SRSF6: variants seen among roughly 807,000 people sequenced by gnomAD.
SRSF6 encodes the protein serine and arginine rich splicing factor 6, also known as serine/arginine-rich splicing factor 6.
Under a neutral mutation model 42.0 loss-of-function variants are expected in SRSF6, and 17 were observed. The observed-to-expected ratio is 0.40, with a 90% CI of 0.28 to 0.61. The LOEUF (loss-of-function observed/expected upper bound fraction) is 0.61. Among genes scored for constraint, SRSF6 ranks in the 20% least tolerant of loss-of-function variants. The pLI is 0.37. For missense variants in SRSF6, 379 were observed against 471.4 expected, an observed-to-expected ratio of 0.80 and a Z score of 1.81; for synonymous variants, 204 against 166.7, an observed-to-expected ratio of 1.22 and a Z score of -1.72.
Position 43,457,911 on chromosome 20 carries a change from T to C in SRSF6, c.-123T>C, listed in dbSNP as rs571104443. ...CGCGCGCGCCATTGTGTGGCTGGAC[T>C]CGGCCGCCCCTGTGGTGTGAGGCGC... is the stretch of plus-strand genomic sequence containing the variant. On this transcript the variant is annotated 5_prime_UTR_variant, in exon 1 of 6. Coordinates refer to ENST00000244020, the MANE Select transcript of SRSF6 (RefSeq NM_006275.6). 9.8e-4 allele frequency: 729 copies of C among 742,816 alleles called. No homozygotes were observed. Among genetic ancestry groups the C allele is most frequent in the Non-Finnish European group, 1.3e-3 (585 of 460,524 alleles). The allele number at this position is 742,816 out of a possible 1,614,324, so 46.0% of individuals were successfully genotyped here. A position where few individuals can be genotyped will look rare whatever the true frequency, so the allele number is the denominator to read the frequency against.
At position 43,462,978 on chromosome 20, in the gene SRSF6, C is replaced by T. The variant is rs1030691404; in HGVS notation, c.*1915C>T. ...GCTTTGACCAAAGTTCTCTTGTTTT[C>T]AGGGAAAGAACATAAAAGCTTTTTG... On this transcript the variant is annotated 3_prime_UTR_variant, in exon 6 of 6. Coordinates refer to ENST00000244020, the MANE Select transcript of SRSF6 (RefSeq NM_006275.6). The T allele has an allele frequency of 6.6e-6, 1 of 152,578 alleles. No individual in the cohort carries two copies. Among genetic ancestry groups the T allele is most frequent in the South Asian group, 2.1e-4 (1 of 4,826 alleles). 9.5% of individuals were successfully genotyped at this position (152,578 alleles called of 1,614,324 possible).
rs1471597281 is a variant in SRSF6, at chr20:43,461,876, G to T, written c.*813G>T. On this transcript the variant is annotated 3_prime_UTR_variant, in exon 6 of 6. Transcript: ENST00000244020. Reference sequence around the variant, plus strand: ...TTAAGAAATAGCTCCTAATACTTGGGATCTTGTTTAGAGAATCCACTTTCT... The same window carrying T: ...TTAAGAAATAGCTCCTAATACTTGGTATCTTGTTTAGAGAATCCACTTTCT... 6.6e-6 allele frequency: 1 copy of T among 152,190 alleles called. No homozygotes were observed. Among genetic ancestry groups the T allele is most frequent in the Non-Finnish European group, 1.5e-5 (1 of 68,030 alleles). 9.4% of individuals were successfully genotyped at this position (152,190 alleles called of 1,614,324 possible).
intron 2 of SRSF6, chr20:43,459,238 C>A: frequency 7.4e-7 from 1 of 1,352,128 alleles, no homozygotes; most frequent in Non-Finnish European, 9.8e-7. Context: ...CATTGTGTGA[C>A]CCTTGCCCTA....
At chr20:43,458,291 CG>C (rs2017531653) in intron 1 of SRSF6, 69 bp from the exon 2 acceptor site, 1 of 1,420,444 alleles carries the variant, frequency 7.0e-7, no homozygotes, top group Non-Finnish European at 9.2e-7. Context: ...CGGTGGGGTA[CG>C]GGCGCGCGCA....
Position 43,462,782 on chromosome 20 carries a change from A to G in SRSF6, c.*1719A>G, listed in dbSNP as rs2017624668. ...AGGAATATAGTGCCCCAAAAGGCGGATGCTTCTTCCATTATCTTATTTTCT... is the reference window on the plus strand; with the variant it reads ...AGGAATATAGTGCCCCAAAAGGCGGGTGCTTCTTCCATTATCTTATTTTCT... On this transcript the variant is annotated 3_prime_UTR_variant, in exon 6 of 6. Transcript: ENST00000244020. The G allele has an allele frequency of 6.6e-6, 1 of 152,324 alleles. No individual in the cohort carries two copies. The highest frequency in any genetic ancestry group is 2.4e-5 in the African/African-American group (1 of 41,466). The allele number at this position is 152,324 out of a possible 1,614,324, so 9.4% of individuals were successfully genotyped here. A position where few individuals can be genotyped will look rare whatever the true frequency, so the allele number is the denominator to read the frequency against.
rs1337227771 is a variant in SRSF6 at position 43,461,334 on chromosome 20, GTTGTTTTTTTTTTTTTTTTTTTT to G, written c.*274_*296del. 6 of 56,490 alleles carry G rather than the reference GTTGTTTTTTTTTTTTTTTTTTTT, an allele frequency of 1.1e-4. 1 individual carries two copies. The highest frequency in any genetic ancestry group is 1.5e-4 in the African/African-American group (2 of 13,546). 3.5% of individuals were successfully genotyped at this position (56,490 alleles called of 1,614,324 possible). On this transcript the variant is annotated 3_prime_UTR_variant, in exon 6 of 6. Transcript: ENST00000244020. ...TTTGTAAAGATTAAGCTCATTTAGT[GTTGTTTTTTTTTTTTTTTTTTTT>G]TTTTTTTTTTTTTTTTTAGTATTTC...
Position 43,463,145 on chromosome 20 carries a change from C to T in SRSF6, c.*2082C>T. On this transcript the variant is annotated 3_prime_UTR_variant, in exon 6 of 6. Coordinates refer to ENST00000244020, the MANE Select transcript of SRSF6 (RefSeq NM_006275.6). ...TAGACTGGTTTGACTATATTGTTAG[C>T]TGCCACAGTAAGCAGGTCATTGTAT... The T allele has an allele frequency of 6.5e-6, 1 of 153,914 alleles. No individual in the cohort carries two copies. Among genetic ancestry groups the T allele is most frequent in the Middle Eastern group, 8.2e-4 (1 of 1,214 alleles). 9.5% of individuals were successfully genotyped at this position (153,914 alleles called of 1,614,324 possible).
Position 43,458,056 on chromosome 20 carries a change from G to A in SRSF6, c.23G>A (p.Arg8His). 1.9e-6 allele frequency: 3 copies of A among 1,613,074 alleles called. No homozygotes were observed. Among genetic ancestry groups the A allele is most frequent in the Non-Finnish European group, 2.5e-6 (3 of 1,179,538 alleles). The change falls in exon 1 of 6, where the codon CGC becomes CAC. Residue 8 changes from arginine (R) to histidine (H), a missense_variant. Around this residue, in one of 3 missense-constraint regions of SRSF6, gnomAD observed 117 missense variants for 146.8 expected, o/e 0.80. Coordinates refer to ENST00000244020, the MANE Select transcript of SRSF6 (RefSeq NM_006275.6). ...GACATGCCGCGCGTCTACATAGGAC[G>A]CCTGAGCTACAACGTCCGGGAGAAG... MPRVYIG[R>H]LSYNVREKDI...
chr20:43,464,232 G>A lies in SRSF6; in HGVS notation c.*3169G>A, dbSNP rs750305492. 19 of 152,110 alleles carry A rather than the reference G, an allele frequency of 1.2e-4. No individual in the cohort carries two copies. The highest frequency in any genetic ancestry group is 2.6e-4 in the Non-Finnish European group (18 of 68,022). 9.4% of individuals were successfully genotyped at this position (152,110 alleles called of 1,614,324 possible). A position where few individuals can be genotyped will look rare whatever the true frequency, so the allele number is the denominator to read the frequency against. ...ATTCAACATTACACAATAAAACTTAGAGTTCTTGCAATAGAGCACCTAGTG... is the reference window on the plus strand; with the variant it reads ...ATTCAACATTACACAATAAAACTTAAAGTTCTTGCAATAGAGCACCTAGTG... On this transcript the variant is annotated 3_prime_UTR_variant, in exon 6 of 6. Transcript: ENST00000244020.
intron 2 of SRSF6, chr20:43,459,443 G>A: frequency 1.6e-6 from 2 of 1,252,996 alleles, no homozygotes; most frequent in Non-Finnish European, 2.0e-6. Context: ...TGTAAAACTA[G>A]TAAACATTTT....
At position 43,463,063 on chromosome 20, in the gene SRSF6, A is replaced by G. The variant is rs1007527975; in HGVS notation, c.*2000A>G. Reference sequence around the variant, plus strand: ...ATTACAGTAAGAAATTAGGCTTTCTAAAAGTATGAAACATCCTTCAACTGG... The same window carrying G: ...ATTACAGTAAGAAATTAGGCTTTCTGAAAGTATGAAACATCCTTCAACTGG... On this transcript the variant is annotated 3_prime_UTR_variant, in exon 6 of 6. Coordinates refer to ENST00000244020, the MANE Select transcript of SRSF6 (RefSeq NM_006275.6). 6.6e-6 allele frequency: 1 copy of G among 152,360 alleles called. No homozygotes were observed. Among genetic ancestry groups the G allele is most frequent in the South Asian group, 2.1e-4 (1 of 4,830 alleles). 9.4% of individuals were successfully genotyped at this position (152,360 alleles called of 1,614,324 possible). A position where few individuals can be genotyped will look rare whatever the true frequency, so the allele number is the denominator to read the frequency against.
Position 43,458,517 on chromosome 20 carries a change from C to G in SRSF6, c.256+8C>G, listed in dbSNP as rs1454416826. The G allele has an allele frequency of 2.0e-6, 3 of 1,487,910 alleles. No individual in the cohort carries two copies. Among genetic ancestry groups the G allele is most frequent in the Admixed American group, 2.3e-5 (1 of 42,664 alleles). 92.2% of individuals were successfully genotyped at this position (1,487,910 alleles called of 1,614,324 possible). The stretch of plus-strand genomic sequence containing the variant: ...ACAGCTACGGAAGCCGCAGTGAGTC[C>G]CACCCCCGCGCGCTCCGCGCCCTTG... On this transcript the variant is annotated splice_region_variant and intron_variant, in intron 2 of 5. Coordinates refer to ENST00000244020, the MANE Select transcript of SRSF6 (RefSeq NM_006275.6).
Position 43,458,529 on chromosome 20 carries a change from G to C in SRSF6, c.256+20G>C. On this transcript the variant is annotated intron_variant, in intron 2 of 5. Coordinates refer to ENST00000244020, the MANE Select transcript of SRSF6 (RefSeq NM_006275.6). ...GCCGCAGTGAGTCCCACCCCCGCGCGCTCCGCGCCCTTGGGGACCCTGGGG... is the reference window on the plus strand; with the variant it reads ...GCCGCAGTGAGTCCCACCCCCGCGCCCTCCGCGCCCTTGGGGACCCTGGGG... 1.4e-6 allele frequency: 2 copies of C among 1,476,814 alleles called. No individual in the cohort carries two copies. Among genetic ancestry groups the C allele is most frequent in the South Asian group, 1.3e-5 (1 of 78,114 alleles). The allele number at this position is 1,476,814 out of a possible 1,614,324, so 91.5% of individuals were successfully genotyped here. A position where few individuals can be genotyped will look rare whatever the true frequency, so the allele number is the denominator to read the frequency against.
intron 2 of SRSF6, chr20:43,459,308 C>CAG: frequency 7.4e-7 from 1 of 1,352,060 alleles, no homozygotes; most frequent in Non-Finnish European, 9.8e-7. Flanking sequence ...CCATTAGACG[C>CAG]AGGGTGATGG....
rs1046149785 is a variant in SRSF6 at position 43,462,226 on chromosome 20, T to A, written c.*1163T>A. 1 of 152,228 alleles carries A rather than the reference T, an allele frequency of 6.6e-6. No homozygotes were observed. Among genetic ancestry groups the A allele is most frequent in the Non-Finnish European group, 1.5e-5 (1 of 68,032 alleles). The allele number at this position is 152,228 out of a possible 1,614,324, so 9.4% of individuals were successfully genotyped here. A position where few individuals can be genotyped will look rare whatever the true frequency, so the allele number is the denominator to read the frequency against. On this transcript the variant is annotated 3_prime_UTR_variant, in exon 6 of 6. Transcript: ENST00000244020. Reference sequence around the variant, plus strand: ...GAAATGGGTAAACGCAAAACTTTTGTACTTTATTACGAGTAAAGTGTAATG... The same window carrying A: ...GAAATGGGTAAACGCAAAACTTTTGAACTTTATTACGAGTAAAGTGTAATG...
intron 2 of SRSF6, chr20:43,459,564 T>C (rs544851381): frequency 1.0e-4 from 130 of 1,267,890 alleles, no homozygotes; most frequent in Non-Finnish European, 1.3e-4. Context: ...CTCTAACAGA[T>C]TGTAGGAGAG....
Position 43,457,901 on chromosome 20 carries a change from G to C in SRSF6, c.-133G>C. On this transcript the variant is annotated 5_prime_UTR_variant, in exon 1 of 6. Coordinates refer to ENST00000244020, the MANE Select transcript of SRSF6 (RefSeq NM_006275.6). ...GCCTGGCGCGCGCGCGCGCCATTGT[G>C]TGGCTGGACTCGGCCGCCCCTGTGG... is the stretch of plus-strand genomic sequence containing the variant. 1 of 665,084 alleles carries C rather than the reference G, an allele frequency of 1.5e-6. No homozygotes were observed. The highest frequency in any genetic ancestry group is 3.0e-5 in the Admixed American group (1 of 33,452). The allele number at this position is 665,084 out of a possible 1,614,324, so 41.2% of individuals were successfully genotyped here.
In SRSF6 at chr20:43,461,780, G is replaced by A. The variant is rs2017605217; in HGVS notation, c.*717G>A. On this transcript the variant is annotated 3_prime_UTR_variant, in exon 6 of 6. Coordinates refer to ENST00000244020, the MANE Select transcript of SRSF6 (RefSeq NM_006275.6). ...AAATAAAAGGTATTTTTTAGTCAAT[G>A]TGTTCCATGATTTTGCTTAAATTAA... The A allele has an allele frequency of 1.3e-5, 2 of 152,540 alleles. No individual in the cohort carries two copies. Among genetic ancestry groups the A allele is most frequent in the African/African-American group, 4.8e-5 (2 of 41,432 alleles). The allele number at this position is 152,540 out of a possible 1,614,324, so 9.4% of individuals were successfully genotyped here.
Position 43,461,012 on chromosome 20 carries a change from T to C in SRSF6, c.984T>C (p.Ser328=). 2 of 1,608,134 alleles carry C rather than the reference T, an allele frequency of 1.2e-6. No individual in the cohort carries two copies. Among genetic ancestry groups the C allele is most frequent in the Non-Finnish European group, 1.7e-6 (2 of 1,177,708 alleles). The change falls in exon 6 of 6, where the codon TCT becomes TCC. Residue 328 remains serine (S), a synonymous_variant. Coordinates refer to ENST00000244020, the MANE Select transcript of SRSF6 (RefSeq NM_006275.6). ...PPKRATSRSR[S]RSRSKSRSRS... ...AAAGAGCTACTTCAAGATCCCGTTCTAGATCTCGCTCAAAGTCAAGATCAA... is the reference window on the plus strand; with the variant it reads ...AAAGAGCTACTTCAAGATCCCGTTCCAGATCTCGCTCAAAGTCAAGATCAA...
Sources: allele counts gnomAD v4.1 joint callset, GRCh38; gene constraint gnomAD v4.1.1; regional missense constraint gnomAD v4.1.1; transcripts MANE v1.5; gene names NCBI Gene and HGNC (gene_info 2026-07-23, HGNC 2026-07-21).